RARB: variants seen among roughly 807,000 people sequenced by gnomAD.
RARB encodes HBV-activated protein.
Under a neutral mutation model 51.9 loss-of-function variants are expected in RARB, and 17 were observed. That is an observed-to-expected ratio of 0.33 (90% CI 0.22 to 0.49). RARB has a LOEUF of 0.49. RARB is among the 20% of genes least tolerant of loss of function. The probability of loss-of-function intolerance (pLI) is 0.99; values close to 1 mark genes in which losing one functional copy is unlikely to be tolerated. For missense variants in RARB, 369 were observed against 550.8 expected, an observed-to-expected ratio of 0.67 and a Z score of 3.30; for synonymous variants, 215 against 195.4, an observed-to-expected ratio of 1.10 and a Z score of -0.84.
At chr3:25,339,940 ATAAG>A (rs1705180288) in intron 5 of RARB, among the ~76,000 whole-genome samples, 1 of 152,214 alleles carries the variant, frequency 6.6e-6, no homozygotes, top group Non-Finnish European at 1.5e-5. Context: ...TTTCTAAAAA[ATAAG>A]TAAGAGGCCT....
chr3:24,863,014 T>C (rs1029969291), intron 2 of RARB, among the ~76,000 whole-genome samples: 1 of 152,088 alleles, frequency 6.6e-6, no homozygotes, highest in African/African-American at 2.4e-5. Flanking sequence ...GAAGAAATAA[T>C]GTGGGGAAAG....
intron 2 of RARB, among the ~76,000 whole-genome samples, chr3:24,916,731 A>G (rs575304819): frequency 2.9e-5 from 4 of 137,474 alleles, no homozygotes; most frequent in Non-Finnish European, 4.6e-5. Flanking sequence ...CATCTATTCT[A>G]TGGCATTGCA....
At chr3:25,187,191 C>T (rs1575205128) in intron 5 of RARB, among the ~76,000 whole-genome samples, 2 of 152,158 alleles carry the variant, frequency 1.3e-5, no homozygotes, top group East Asian at 3.9e-4. Context: ...GGCCTCTTAC[C>T]TCTGCTTTTT....
intron 5 of RARB, among the ~76,000 whole-genome samples, chr3:25,181,149 C>G (rs1248717374): frequency 6.6e-6 from 1 of 152,076 alleles, no homozygotes; most frequent in Non-Finnish European, 1.5e-5. Flanking sequence ...CTTTGTCTGT[C>G]TTTAAGGATA....
chr3:24,975,785 T>G (rs1575100448), intron 2 of RARB, among the ~76,000 whole-genome samples: 1 of 152,088 alleles, frequency 6.6e-6, no homozygotes, highest in East Asian at 1.9e-4. Flanking sequence ...TTTTTGTTAT[T>G]ATACATTAAG....
At chr3:24,855,445 T>C (rs184440871) in intron 1 of RARB, among the ~76,000 whole-genome samples, 16 of 152,340 alleles carry the variant, frequency 1.1e-4, no homozygotes, top group Admixed American at 6.5e-4. Context: ...GACTTCTGTA[T>C]GTACTGGCTA....
At chr3:25,185,231 G>A (rs920590791) in intron 5 of RARB, among the ~76,000 whole-genome samples, 3 of 152,018 alleles carry the variant, frequency 2.0e-5, no homozygotes, top group Non-Finnish European at 2.9e-5. Context: ...AAGTAAGCTT[G>A]CCCTGATGAA....
intron 5 of RARB, among the ~76,000 whole-genome samples, chr3:25,311,082 GT>G: frequency 6.6e-6 from 1 of 152,310 alleles, no homozygotes; most frequent in Admixed American, 6.5e-5. Context: ...AAGAAAAGAA[GT>G]TTAGGGGAGA....
intron 3 of RARB, among the ~76,000 whole-genome samples, chr3:25,063,730 A>T (rs1223314445): frequency 1.3e-5 from 2 of 151,036 alleles, no homozygotes; most frequent in African/African-American, 2.4e-5. Flanking sequence ...TTTTTTAAAA[A>T]GATGAGGAAA....
intron 2 of RARB, among the ~76,000 whole-genome samples, chr3:25,027,410 A>T (rs1697771134): frequency 6.6e-6 from 1 of 152,078 alleles, no homozygotes; most frequent in African/African-American, 2.4e-5. Flanking sequence ...TTCTCTCTAA[A>T]ATACATCTTC....
intron 3 of RARB, among the ~76,000 whole-genome samples, chr3:25,099,826 C>T (rs1699365668): frequency 6.6e-6 from 1 of 152,126 alleles, no homozygotes; most frequent in Non-Finnish European, 1.5e-5. Context: ...GGCTTACCTC[C>T]ATCCTGCTTT....
chr3:25,337,624 C>T (rs1705102494), intron 5 of RARB, among the ~76,000 whole-genome samples: 1 of 151,976 alleles, frequency 6.6e-6, no homozygotes, highest in Non-Finnish European at 1.5e-5. Flanking sequence ...GTGGCTCTTC[C>T]CCTCATATTT....
intron 2 of RARB, among the ~76,000 whole-genome samples, chr3:24,958,812 G>C (rs1372022512): frequency 1.3e-5 from 2 of 152,192 alleles, no homozygotes; most frequent in Non-Finnish European, 2.9e-5. Flanking sequence ...ATTTGCAGTT[G>C]AGATTTTTCA....
chr3:25,514,848 A>G (rs768409516), intron 3 of RARB, among the ~76,000 whole-genome samples: 6 of 152,248 alleles, frequency 3.9e-5, no homozygotes, highest in Non-Finnish European at 8.8e-5. Flanking sequence ...AGTGAAAGGT[A>G]ATAAGTGAAG....
At chr3:25,136,587 A>G (rs576652889) in intron 4 of RARB, among the ~76,000 whole-genome samples, 17 of 152,220 alleles carry the variant, frequency 1.1e-4, no homozygotes, top group East Asian at 3.9e-4. Flanking sequence ...TTATGTGACA[A>G]TGGTTGAAAT....
intron 3 of RARB, among the ~76,000 whole-genome samples, chr3:25,063,180 C>A (rs1463229491): frequency 1.3e-5 from 2 of 151,944 alleles, no homozygotes; most frequent in African/African-American, 4.8e-5. Flanking sequence ...CCAGCAAATA[C>A]AATAGAATCT....
intron 2 of RARB, among the ~76,000 whole-genome samples, chr3:25,031,073 C>T (rs770962105): frequency 3.9e-5 from 6 of 152,110 alleles, no homozygotes; most frequent in Admixed American, 1.3e-4. Flanking sequence ...TGTTTTGTTG[C>T]GAAGGGTTGT....
intron 1 of RARB, among the ~76,000 whole-genome samples, chr3:24,831,524 T>G (rs1416653161): frequency 6.6e-6 from 1 of 152,166 alleles, no homozygotes; most frequent in Non-Finnish European, 1.5e-5. Flanking sequence ...ATAACCTCAT[T>G]TGCTGTTTAT....
chr3:25,365,045 G>A (rs1047261318), intron 5 of RARB, among the ~76,000 whole-genome samples: 4 of 151,858 alleles, frequency 2.6e-5, no homozygotes, highest in African/African-American at 4.8e-5. Flanking sequence ...ATATTTGGGG[G>A]ATATCTAGAA....
Sources: allele counts gnomAD v4.1 joint callset (sites outside exome capture counted in the v4.1 genomes callset), GRCh38; gene constraint gnomAD v4.1.1; transcripts MANE v1.5; gene names NCBI Gene and HGNC (gene_info 2026-07-23, HGNC 2026-07-21).